The following CCDC197 variants were observed in gnomAD, a reference collection of about 807,000 sequenced individuals.
CCDC197 encodes coiled-coil domain containing 197.
In CCDC197, 24 loss-of-function variants were observed where a neutral mutation model predicts 13.4. The ratio of observed to expected loss-of-function variants is 1.80; its 90% CI spans 1.30 to 2.53. The LOEUF (loss-of-function observed/expected upper bound fraction) is 2.53. Ranked by LOEUF, CCDC197 falls within the 30% of genes most tolerant of loss-of-function variation. The pLI, the probability that CCDC197 is intolerant of heterozygous loss-of-function variation, is 0.00. For missense variants in CCDC197, 255 were observed against 148.8 expected, an observed-to-expected ratio of 1.71 and a Z score of -3.71; for synonymous variants, 99 against 55.5, an observed-to-expected ratio of 1.78 and a Z score of -3.48.
chr14:94,010,297 G>C (rs961928323), downstream of CCDC197, among the ~76,000 whole-genome samples: 2 of 152,126 alleles, frequency 1.3e-5, no homozygotes, highest in Admixed American at 6.5e-5. Flanking sequence ...TCCACCTCCC[G>C]GGTTTAAGCG....
chr14:93,992,415 T>C (rs1306680179), upstream of CCDC197, among the ~76,000 whole-genome samples: 2 of 152,148 alleles, frequency 1.3e-5, no homozygotes, highest in African/African-American at 2.4e-5. Context: ...GGGGCATGAC[T>C]TGAACCCAGG....
At chr14:94,010,682 G>C (rs997164900), downstream of CCDC197, among the ~76,000 whole-genome samples, 1 of 152,190 alleles carries the variant, frequency 6.6e-6, no homozygotes, top group African/African-American at 2.4e-5. Context: ...ATTTTGGCTG[G>C]AGCATGCGGA....
chr14:94,002,874 TATAAAGAAAAAG>T (rs1890567538), intron 4 of CCDC197, among the ~76,000 whole-genome samples: 1 of 143,788 alleles, frequency 7.0e-6, no homozygotes, highest in Non-Finnish European at 1.5e-5. Context: ...AAAACAAAAT[TATAAAGAAAAAG>T]AGGTTTAATG....
intron 6 of CCDC197, 96 bp from the exon 7 acceptor site, chr14:94,008,513 G>A (rs1172437185): frequency 6.1e-6 from 4 of 653,792 alleles, no homozygotes; most frequent in Admixed American, 2.1e-5. Context: ...AGAGTTAAAG[G>A]AGAAGTAGGT....
At chr14:94,004,280 C>T (rs1209457835) in intron 5 of CCDC197, among the ~76,000 whole-genome samples, 1 of 152,196 alleles carries the variant, frequency 6.6e-6, no homozygotes, top group Non-Finnish European at 1.5e-5. Context: ...AGGACCATGG[C>T]TTGGGCACAG....
rs1793743225 is a variant in CCDC197, at chr14:93,999,681, C to T, written c.187+16C>T. 1 of 780,704 alleles carries T rather than the reference C, an allele frequency of 1.3e-6. No homozygotes were observed. Among genetic ancestry groups the T allele is most frequent in the Non-Finnish European group, 2.4e-6 (1 of 417,998 alleles). The allele number at this position is 780,704 out of a possible 1,614,324, so 48.4% of individuals were successfully genotyped here. ...ATCCCCGAGGGTATGTACACAGCTTCCTCGGAAAGCCCTTTCTCTCCACAG... is the reference window on the plus strand; with the variant it reads ...ATCCCCGAGGGTATGTACACAGCTTTCTCGGAAAGCCCTTTCTCTCCACAG... On this transcript the variant is annotated intron_variant, in intron 3 of 6. Transcript: ENST00000636493.
At chr14:93,999,072 C>T (rs187430138) in intron 2 of CCDC197, among the ~76,000 whole-genome samples, 26 of 152,218 alleles carry the variant, frequency 1.7e-4, no homozygotes, top group African/African-American at 5.5e-4. Flanking sequence ...AGCACGTGGC[C>T]GCCTCCCCTC....
At chr14:93,990,060 T>G (rs8012314) in intron 1 of CCDC197, among the ~76,000 whole-genome samples, 36,632 of 152,142 alleles carry the variant, frequency 0.24, 6,696 homozygotes, top group East Asian at 0.61. Context: ...TTCAATCTCT[T>G]ACTTCCTCTT....
chr14:93,988,996 C>T (rs1270354964), intron 1 of CCDC197, among the ~76,000 whole-genome samples: 7 of 151,856 alleles, frequency 4.6e-5, no homozygotes, highest in Admixed American at 1.3e-4. Flanking sequence ...CTTCTGAGTG[C>T]GGGACGCTGT....
At chr14:93,998,462 G>A (rs1002607552) in intron 2 of CCDC197, among the ~76,000 whole-genome samples, 12 of 152,304 alleles carry the variant, frequency 7.9e-5, no homozygotes, top group African/African-American at 1.7e-4. Context: ...GGCCAGTCCC[G>A]GGCCCTCTGC....
At chr14:94,002,752 T>C (rs1890559871) in intron 4 of CCDC197, among the ~76,000 whole-genome samples, 1 of 149,318 alleles carries the variant, frequency 6.7e-6, no homozygotes, top group Non-Finnish European at 1.5e-5. Context: ...AATTAGGAGG[T>C]TGAAGCAGGA....
chr14:94,005,934 A>G (rs985668506), intron 6 of CCDC197, among the ~76,000 whole-genome samples: 10 of 150,472 alleles, frequency 6.6e-5, no homozygotes, highest in African/African-American at 2.0e-4. Context: ...TACATTCCTT[A>G]GGTATTATGA....
upstream of CCDC197, among the ~76,000 whole-genome samples, chr14:93,992,647 A>G (rs1890233317): frequency 6.6e-6 from 1 of 152,176 alleles, no homozygotes; most frequent in African/African-American, 2.4e-5. Flanking sequence ...AGTGTCATAG[A>G]CACCGGAAGG....
intron 4 of CCDC197, among the ~76,000 whole-genome samples, chr14:94,001,972 C>T (rs1890528240): frequency 6.6e-6 from 1 of 152,196 alleles, no homozygotes; most frequent in East Asian, 1.9e-4. Flanking sequence ...CTAGTGGCAG[C>T]GCTGCAAGCC....
upstream of CCDC197, among the ~76,000 whole-genome samples, chr14:93,996,280 G>A (rs879793731): frequency 4.7e-5 from 7 of 148,738 alleles, no homozygotes; most frequent in South Asian, 2.1e-4. Context: ...GCACATAAGC[G>A]AGGGGCTCTA....
At chr14:94,000,147 G>A (rs979347749) in intron 3 of CCDC197, among the ~76,000 whole-genome samples, 24 of 152,140 alleles carry the variant, frequency 1.6e-4, no homozygotes, top group Non-Finnish European at 3.5e-4. Flanking sequence ...ATTGGAAAAG[G>A]GAAGGGGAGT....
chr14:93,997,465 A>G lies in CCDC197; in HGVS notation c.-240A>G, dbSNP rs1890352905. On this transcript the variant is annotated 5_prime_UTR_variant, in exon 1 of 7. Coordinates refer to ENST00000636493, the MANE Select transcript of CCDC197 (RefSeq NM_001351596.2). ...CATACTGGCCTTGGGTGAGTGGCTC[A>G]GGAACAGTTTGCAAGACCGTGTTGA... 1 of 152,518 alleles carries G rather than the reference A, an allele frequency of 6.6e-6. No homozygotes were observed. The highest frequency in any genetic ancestry group is 1.5e-5 in the Non-Finnish European group (1 of 68,276). The allele number at this position is 152,518 out of a possible 1,614,324, so 9.4% of individuals were successfully genotyped here.
At chr14:93,991,143 C>T (rs1890203722) in intron 1 of CCDC197, among the ~76,000 whole-genome samples, 1 of 152,166 alleles carries the variant, frequency 6.6e-6, no homozygotes, top group Non-Finnish European at 1.5e-5. Context: ...TAAACTAGGA[C>T]TGAGGCAGGG....
chr14:94,009,914 G>A (rs1427963650), downstream of CCDC197, among the ~76,000 whole-genome samples: 1 of 152,222 alleles, frequency 6.6e-6, no homozygotes, highest in Non-Finnish European at 1.5e-5. Context: ...GAGGTCAGCT[G>A]CTGTTAATTT....
Sources: gnomAD v4.1 joint callset for allele counts (sites outside exome capture counted in the v4.1 genomes callset) on GRCh38, gnomAD v4.1.1 for gene constraint, MANE v1.5 for transcripts, NCBI Gene and HGNC (gene_info 2026-07-23, HGNC 2026-07-21) for gene names.